The following AFAP1L2 variants were observed in gnomAD, a reference collection of about 807,000 sequenced individuals.
AFAP1L2 encodes the protein actin filament associated protein 1 like 2.
A neutral mutation model predicts 99.3 loss-of-function variants in AFAP1L2; 46 were observed. That is an observed-to-expected ratio of 0.46 (90% CI 0.37 to 0.59). The LOEUF (loss-of-function observed/expected upper bound fraction) is 0.59, where lower values mean the gene tolerates loss of function less well. AFAP1L2 is among the 20% of genes least tolerant of loss of function. The probability of loss-of-function intolerance (pLI) is 0.00; values close to 1 mark genes in which losing one functional copy is unlikely to be tolerated. For missense variants in AFAP1L2, 959 were observed against 1,034.9 expected, an observed-to-expected ratio of 0.93 and a Z score of 1.01; for synonymous variants, 397 against 419.1, an observed-to-expected ratio of 0.95 and a Z score of 0.64.
intron 2 of AFAP1L2, among the ~76,000 whole-genome samples, chr10:114,339,746 G>T (rs1453369401): frequency 6.6e-6 from 1 of 152,202 alleles, no homozygotes; most frequent in East Asian, 1.9e-4. Context: ...AGGCATGGTG[G>T]CTTACGCCTG....
At chr10:114,352,110 T>C (rs962836499) in intron 1 of AFAP1L2, among the ~76,000 whole-genome samples, 2 of 151,800 alleles carry the variant, frequency 1.3e-5, no homozygotes, top group Admixed American at 6.6e-5. Context: ...CTTATAAGAG[T>C]GGTAGAAAAA....
rs1294428152 is a variant in AFAP1L2 at position 114,369,422 on chromosome 10, C to A, written c.17-28691G>T. ...CATCCTGGCTAACATGGTGAAACCCCGTCTCTACTAAAAATACAAAAAATT... is the reference window on the plus strand; with the variant it reads ...CATCCTGGCTAACATGGTGAAACCCAGTCTCTACTAAAAATACAAAAAATT... On this transcript the variant is annotated intron_variant, in intron 1 of 18. Coordinates refer to ENST00000304129, the MANE Select transcript of AFAP1L2 (RefSeq NM_001001936.3). 2.0e-5 allele frequency among the ~76,000 whole-genome samples: 3 copies of A among 151,820 alleles called. No homozygotes were observed. In the East Asian group the frequency reaches 5.8e-4, roughly 29 times the overall value.
chr10:114,338,060 G>A (rs1011579683), intron 2 of AFAP1L2, among the ~76,000 whole-genome samples: 1 of 152,234 alleles, frequency 6.6e-6, no homozygotes, highest in Non-Finnish European at 1.5e-5. Context: ...CCTCTGATGA[G>A]AGGCTAAGGC....
intron 13 of AFAP1L2, 104 bp from the exon 14 acceptor site, chr10:114,300,794 G>A: frequency 6.9e-7 from 1 of 1,446,600 alleles, no homozygotes; most frequent in Non-Finnish European, 9.3e-7. Context: ...ATCTCACAGT[G>A]TTCCAAGAGA....
chr10:114,342,712 AG>A (rs1462201870), intron 1 of AFAP1L2, among the ~76,000 whole-genome samples: 1 of 152,182 alleles, frequency 6.6e-6, no homozygotes, highest in Non-Finnish European at 1.5e-5. Context: ...TCTTTCCTAG[AG>A]CCTCCAGGAG....
At chr10:114,303,676 G>T (rs2041627316) in intron 11 of AFAP1L2, among the ~76,000 whole-genome samples, 1 of 152,114 alleles carries the variant, frequency 6.6e-6, no homozygotes, top group South Asian at 2.1e-4. Context: ...CTGCGTCTCT[G>T]CCCTGGACAG....
At position 114,315,562 on chromosome 10, in the gene AFAP1L2, G is replaced by A. The variant is rs924142579; in HGVS notation, c.610C>T (p.Leu204=). The change falls in exon 6 of 19, where the codon CTG becomes TTG. Residue 204 remains leucine, a splice_region_variant and synonymous_variant. Transcript: ENST00000304129. The part of the protein sequence containing the change: ...QLCVIKDNRL[L]CYKSSKDHSP... Reference sequence around the variant, plus strand: ...AAGACGACGTAAGGCAGACTGACCAGAAGCCTGTTGTCCTTGATGACACAG... The same window carrying A: ...AAGACGACGTAAGGCAGACTGACCAAAAGCCTGTTGTCCTTGATGACACAG... The A allele has an allele frequency of 6.2e-7, 1 of 1,614,008 alleles. No homozygotes were observed. Among genetic ancestry groups the A allele is most frequent in the Non-Finnish European group, 8.5e-7 (1 of 1,179,990 alleles).
At chr10:114,378,587 C>T (rs928084476) in intron 1 of AFAP1L2, among the ~76,000 whole-genome samples, 3 of 152,224 alleles carry the variant, frequency 2.0e-5, no homozygotes, top group African/African-American at 7.2e-5. Context: ...GAGTCTTGCT[C>T]CTTCTGCAGT....
intron 2 of AFAP1L2, among the ~76,000 whole-genome samples, chr10:114,338,019 C>T (rs2048243945): frequency 6.6e-6 from 1 of 152,200 alleles, no homozygotes; most frequent in Non-Finnish European, 1.5e-5. Flanking sequence ...CCTTCAGGAG[C>T]ATGGGAAGCT....
At chr10:114,358,669 C>T (rs1483808485) in intron 1 of AFAP1L2, among the ~76,000 whole-genome samples, 1 of 152,154 alleles carries the variant, frequency 6.6e-6, no homozygotes, top group Non-Finnish European at 1.5e-5. Context: ...AATTCCAGCA[C>T]TTTGGGAGCC....
chr10:114,323,408 A>G (rs1307887142), intron 4 of AFAP1L2, 147 bp from the exon 5 acceptor site: 32 of 668,038 alleles, frequency 4.8e-5, no homozygotes, highest in Admixed American at 2.4e-4. Flanking sequence ...AACATGCAGT[A>G]TCATGAATCC....
At position 114,304,728 on chromosome 10, in the gene AFAP1L2, G is replaced by A; in HGVS notation, c.1275C>T (p.Ala425=). The change falls in exon 11 of 19, where the codon GCC becomes GCT. Residue 425 remains alanine, a synonymous_variant. Coordinates refer to ENST00000304129, the MANE Select transcript of AFAP1L2 (RefSeq NM_001001936.3). ...TGCAGGCCGGCGGTACCTCAAGCTT[G>A]GCCAGCTCCTCGCCCTTGTGGAGGA... is the stretch of plus-strand genomic sequence containing the variant. ...FRILHKGEEL[A]KLEAKSSEEM... 6.2e-7 allele frequency: 1 copy of A among 1,604,864 alleles called. No homozygotes were observed. The highest frequency in any genetic ancestry group is 2.2e-5 in the East Asian group (1 of 44,732).
intron 6 of AFAP1L2, among the ~76,000 whole-genome samples, chr10:114,314,798 A>C (rs914599148): frequency 1.1e-5 from 1 of 89,512 alleles, no homozygotes; most frequent in Non-Finnish European, 3.0e-5. Flanking sequence ...CTAATTCAAA[A>C]TATTGTTGCT....
chr10:114,327,836 C>T (rs972138793), intron 4 of AFAP1L2, among the ~76,000 whole-genome samples: 1 of 152,220 alleles, frequency 6.6e-6, no homozygotes, highest in African/African-American at 2.4e-5. Flanking sequence ...TCAGAGGACC[C>T]GAGGCATCCT....
chr10:114,285,072 C>G, the AFAP1L2 span: 1 of 921,202 alleles, frequency 1.1e-6, no homozygotes, highest in Non-Finnish European at 1.6e-6. Flanking sequence ...TAGAAACTGG[C>G]CCTTGAACCA....
At chr10:114,285,959 T>C in the AFAP1L2 span, 1 of 1,603,452 alleles carries the variant, frequency 6.2e-7, no homozygotes, top group African/African-American at 1.3e-5. Flanking sequence ...GAGCCTGGAA[T>C]GCAGGGTCGA....
Position 114,299,018 on chromosome 10 carries a change from T to A in AFAP1L2, c.2113+242A>T, listed in dbSNP as rs532071060. 1.5e-4 allele frequency among the ~76,000 whole-genome samples: 23 copies of A among 152,372 alleles called. No individual in the cohort carries two copies. In the East Asian group the frequency reaches 4.4e-3, roughly 29 times the overall value. On this transcript the variant is annotated intron_variant, in intron 16 of 18. Coordinates refer to ENST00000304129, the MANE Select transcript of AFAP1L2 (RefSeq NM_001001936.3). ...TGTAAAACTTCCTTTAACTAGCTTTTACGATGACCTGCTGGTCCTATTGAT... is the reference window on the plus strand; with the variant it reads ...TGTAAAACTTCCTTTAACTAGCTTTAACGATGACCTGCTGGTCCTATTGAT...
intron 11 of AFAP1L2, among the ~76,000 whole-genome samples, chr10:114,304,055 T>C (rs2041697268): frequency 6.6e-6 from 1 of 152,214 alleles, no homozygotes; most frequent in Non-Finnish European, 1.5e-5. Flanking sequence ...AACCTCTGAA[T>C]GGATGAATAT....
At chr10:114,286,165 G>T in the AFAP1L2 span, 5 of 1,614,094 alleles carry the variant, frequency 3.1e-6, no homozygotes, top group Non-Finnish European at 4.2e-6. Context: ...ACCTGGTCTG[G>T]AGCCTCGATG....
Sources: allele counts gnomAD v4.1 joint callset (sites outside exome capture counted in the v4.1 genomes callset), GRCh38; gene constraint gnomAD v4.1.1; transcripts MANE v1.5; gene names NCBI Gene and HGNC (gene_info 2026-07-23, HGNC 2026-07-21).